SLC35F4: variants seen among roughly 807,000 people sequenced by gnomAD.
SLC35F4 encodes the protein chromosome 14 open reading frame 36.
A neutral mutation model predicts 44.2 loss-of-function variants in SLC35F4; 24 were observed. That is an observed-to-expected ratio of 0.54 (90% CI 0.39 to 0.76). The LOEUF (loss-of-function observed/expected upper bound fraction) is 0.76, where lower values mean the gene tolerates loss of function less well. Among genes scored for constraint, SLC35F4 ranks in the 30% least tolerant of loss-of-function variants. SLC35F4 has a pLI of 0.00. For synonymous variants in SLC35F4, 238 were observed against 223.6 expected, an observed-to-expected ratio of 1.06 and a Z score of -0.57; for missense variants, 562 against 586.1, an observed-to-expected ratio of 0.96 and a Z score of 0.42.
intron 3 of SLC35F4, among the ~76,000 whole-genome samples, chr14:57,584,752 CTTG>C (rs776605519): frequency 2.0e-5 from 3 of 151,946 alleles, no homozygotes; most frequent in African/African-American, 4.8e-5. Context: ...GCAGCAGTCT[CTTG>C]TTTTAAATCA....
intron 1 of SLC35F4, among the ~76,000 whole-genome samples, chr14:57,900,977 C>A (rs556803092): frequency 6.6e-6 from 1 of 152,116 alleles, no homozygotes; most frequent in Non-Finnish European, 1.5e-5. Context: ...AATGACATAC[C>A]ATCTCACGCC....
chr14:57,953,777 C>G (rs1890185858), intron 1 of SLC35F4, among the ~76,000 whole-genome samples: 1 of 152,172 alleles, frequency 6.6e-6, no homozygotes, highest in Non-Finnish European at 1.5e-5. Context: ...ATTCATAAAG[C>G]AAGTTCTTAG....
At chr14:57,849,852 A>G (rs920363582) in intron 1 of SLC35F4, among the ~76,000 whole-genome samples, 7 of 152,190 alleles carry the variant, frequency 4.6e-5, no homozygotes, top group Non-Finnish European at 7.3e-5. Context: ...CTAACTGACT[A>G]TCACATTCTA....
chr14:57,673,785 G>A lies in SLC35F4; in HGVS notation c.104-79661C>T, dbSNP rs147378291. On this transcript the variant is annotated intron_variant, in intron 1 of 7. Transcript: ENST00000556826. ...AAAAATTTATTGGAGAGGTCACAGT[G>A]AACAATAACCATAAACAAAAAATTG... Among the ~76,000 whole-genome samples the A allele has an allele frequency of 8.6e-5, 13 of 152,032 alleles. 2 individuals are homozygous for A. Among genetic ancestry groups the A allele is most frequent in the African/African-American group, 3.1e-4 (13 of 41,416 alleles).
intron 1 of SLC35F4, among the ~76,000 whole-genome samples, chr14:57,854,099 T>G (rs1886848273): frequency 1.3e-5 from 2 of 152,144 alleles, no homozygotes; most frequent in Admixed American, 6.6e-5. Context: ...AAAATGCTTA[T>G]CCTGAAATGT....
chr14:57,843,793 C>T (rs1234355690), intron 1 of SLC35F4, among the ~76,000 whole-genome samples: 1 of 152,168 alleles, frequency 6.6e-6, no homozygotes, highest in Admixed American at 6.5e-5. Context: ...CTGTAGCATA[C>T]TCAAAATCCC....
chr14:57,733,186 C>T (rs1005286391), intron 1 of SLC35F4, among the ~76,000 whole-genome samples: 4 of 152,100 alleles, frequency 2.6e-5, no homozygotes, highest in Non-Finnish European at 4.4e-5. Flanking sequence ...ATGTCAGAAA[C>T]ACTAGCTCTC....
intron 1 of SLC35F4, among the ~76,000 whole-genome samples, chr14:57,678,576 A>T (rs994993926): frequency 1.3e-5 from 2 of 152,028 alleles, no homozygotes; most frequent in East Asian, 3.8e-4. Flanking sequence ...CAGACCCACA[A>T]ATTGGATGAA....
chr14:57,767,357 A>G (rs1159623957), intron 1 of SLC35F4, among the ~76,000 whole-genome samples: 1 of 152,216 alleles, frequency 6.6e-6, no homozygotes, highest in Non-Finnish European at 1.5e-5. Flanking sequence ...AATTAAAATC[A>G]TACAATTTTT....
chr14:57,773,993 C>A (rs2077429119), intron 1 of SLC35F4, among the ~76,000 whole-genome samples: 1 of 152,086 alleles, frequency 6.6e-6, no homozygotes, highest in Non-Finnish European at 1.5e-5. Context: ...CCAAATAAGA[C>A]CAGTATACCT....
At chr14:57,837,868 A>T (rs73291460) in intron 1 of SLC35F4, among the ~76,000 whole-genome samples, 3 of 152,134 alleles carry the variant, frequency 2.0e-5, no homozygotes, top group African/African-American at 7.2e-5. Context: ...TCCCCAATAC[A>T]CATACATTCA....
At chr14:57,925,299 G>C (rs901207951) in intron 1 of SLC35F4, among the ~76,000 whole-genome samples, 1 of 151,974 alleles carries the variant, frequency 6.6e-6, no homozygotes, top group African/African-American at 2.4e-5. Context: ...ACTTCAGGTT[G>C]GTTTGTTGTT....
chr14:57,927,096 A>G (rs2141062962), intron 1 of SLC35F4, among the ~76,000 whole-genome samples: 1 of 152,316 alleles, frequency 6.6e-6, no homozygotes, highest in Admixed American at 6.5e-5. Flanking sequence ...TGGCCCCTGC[A>G]AGTGACACCC....
intron 1 of SLC35F4, among the ~76,000 whole-genome samples, chr14:57,634,776 G>A (rs569208941): frequency 1.9e-4 from 29 of 152,208 alleles, no homozygotes; most frequent in East Asian, 7.7e-4. Context: ...TGTGGAGAAC[G>A]GACTAGGATG....
At chr14:57,947,554 T>C (rs1890059120) in intron 1 of SLC35F4, among the ~76,000 whole-genome samples, 1 of 152,144 alleles carries the variant, frequency 6.6e-6, no homozygotes, top group African/African-American at 2.4e-5. Flanking sequence ...CTAGGACTTC[T>C]AGTACTATGT....
chr14:57,663,426 C>A (rs2074203285), intron 1 of SLC35F4, among the ~76,000 whole-genome samples: 1 of 152,088 alleles, frequency 6.6e-6, no homozygotes, highest in Non-Finnish European at 1.5e-5. Flanking sequence ...ACAGCACTGA[C>A]CTTACCTAGA....
chr14:57,686,376 G>A (rs1181844930), intron 1 of SLC35F4, among the ~76,000 whole-genome samples: 2 of 152,124 alleles, frequency 1.3e-5, no homozygotes, highest in African/African-American at 2.4e-5. Flanking sequence ...TTTCCAGCAT[G>A]AGCTCAGTCG....
chr14:57,883,413 C>T (rs1052045739), intron 1 of SLC35F4, among the ~76,000 whole-genome samples: 2 of 152,156 alleles, frequency 1.3e-5, no homozygotes, highest in Admixed American at 1.3e-4. Context: ...AGCTCCATCA[C>T]GCAAACGAAG....
At chr14:57,929,858 T>G (rs758915805) in intron 1 of SLC35F4, among the ~76,000 whole-genome samples, 5 of 152,202 alleles carry the variant, frequency 3.3e-5, no homozygotes, top group Admixed American at 6.5e-5. Flanking sequence ...ATCTAGACCC[T>G]GAGCTCTCAC....
Sources: allele counts gnomAD v4.1 joint callset (sites outside exome capture counted in the v4.1 genomes callset), GRCh38; gene constraint gnomAD v4.1.1; transcripts MANE v1.5; gene names NCBI Gene and HGNC (gene_info 2026-07-23, HGNC 2026-07-21).